The following RALGAPA2 variants were observed in gnomAD, a reference collection of about 807,000 sequenced individuals.
The protein encoded by RALGAPA2 is Ral GTPase activating protein catalytic subunit alpha 2.
Under a neutral mutation model 230.4 loss-of-function variants are expected in RALGAPA2, and 139 were observed. That is an observed-to-expected ratio of 0.60 (90% CI 0.53 to 0.69). The LOEUF is 0.69. Among genes scored for constraint, RALGAPA2 ranks in the 30% least tolerant of loss-of-function variants. RALGAPA2 has a pLI of 0.00. For synonymous variants in RALGAPA2, 847 were observed against 837.8 expected (o/e 1.01, Z -0.19); for missense variants, 2,163 against 2,276.0 (o/e 0.95, Z 1.01).
intron 12 of RALGAPA2, 72 bp downstream of exon 12, chr20:20,619,205 A>G: frequency 7.1e-7 from 1 of 1,398,662 alleles, no homozygotes; most frequent in Non-Finnish European, 9.4e-7. Context: ...CATTATCCCC[A>G]ATAAACAAAA....
At chr20:20,681,470 C>T (rs990548504) in intron 1 of RALGAPA2, among the ~76,000 whole-genome samples, 3 of 152,168 alleles carry the variant, frequency 2.0e-5, no homozygotes, top group Non-Finnish European at 4.4e-5. Flanking sequence ...GAACTTAGCA[C>T]AGTGACAACT....
intron 24 of RALGAPA2, among the ~76,000 whole-genome samples, chr20:20,539,595 C>T (rs1602704766): frequency 6.6e-6 from 1 of 152,086 alleles, no homozygotes; most frequent in East Asian, 1.9e-4. Context: ...AATATATCAC[C>T]TCATATAGTT....
chr20:20,594,283 A>G (rs2065381953), intron 16 of RALGAPA2, among the ~76,000 whole-genome samples: 1 of 152,162 alleles, frequency 6.6e-6, no homozygotes, highest in Admixed American at 6.5e-5. Flanking sequence ...GACAGAAACA[A>G]TTTCTTTATA....
Position 20,698,925 on chromosome 20 carries a change from G to A in RALGAPA2, c.106+13450C>T, listed in dbSNP as rs143490209. Among the ~76,000 whole-genome samples the A allele has an allele frequency of 4.2e-3, 635 of 152,238 alleles. 2 individuals carry two copies. The highest frequency in any genetic ancestry group is 0.01 in the Middle Eastern group (3 of 294). On this transcript the variant is annotated intron_variant, in intron 1 of 39. Coordinates refer to ENST00000202677, the MANE Select transcript of RALGAPA2 (RefSeq NM_020343.4). ...ATCAAAAATGGAGACAGCTTACACA[G>A]TATACTATCATCAGAGAAAAAAGAC... is the stretch of plus-strand genomic sequence containing the variant.
intron 37 of RALGAPA2, among the ~76,000 whole-genome samples, chr20:20,454,931 G>A (rs572209538): frequency 2.6e-5 from 4 of 152,314 alleles, no homozygotes; most frequent in South Asian, 2.1e-4. Context: ...CTGTAGTGAC[G>A]CAGTGATGGT....
intron 39 of RALGAPA2, among the ~76,000 whole-genome samples, chr20:20,393,795 C>T (rs2059647359): frequency 6.6e-6 from 1 of 152,164 alleles, no homozygotes; most frequent in Non-Finnish European, 1.5e-5. Context: ...CTGTTCATCA[C>T]TGGAGGGAAA....
chr20:20,613,670 T>C (rs1442751677), intron 13 of RALGAPA2, among the ~76,000 whole-genome samples: 1 of 152,178 alleles, frequency 6.6e-6, no homozygotes, highest in African/African-American at 2.4e-5. Flanking sequence ...GGCCATCATC[T>C]TGTCCTTCCT....
intron 32 of RALGAPA2, 125 bp from the exon 33 acceptor site, chr20:20,511,450 T>C (rs971381410): frequency 2.1e-5 from 29 of 1,395,002 alleles, no homozygotes; most frequent in Admixed American, 2.9e-5. Flanking sequence ...AAAAGATTTG[T>C]GATAGAAACC....
chr20:20,406,119 G>T (rs1206419831), intron 38 of RALGAPA2, among the ~76,000 whole-genome samples: 1 of 152,154 alleles, frequency 6.6e-6, no homozygotes, highest in Admixed American at 6.5e-5. Context: ...GAGGATTTAG[G>T]GCAGTGGTTC....
intron 20 of RALGAPA2, among the ~76,000 whole-genome samples, chr20:20,574,108 T>G (rs1379910244): frequency 6.6e-6 from 1 of 152,242 alleles, no homozygotes; most frequent in African/African-American, 2.4e-5. Flanking sequence ...TTGCTAGAAC[T>G]TGATACTGTT....
intron 6 of RALGAPA2, 134 bp from the exon 7 acceptor site, chr20:20,640,034 C>T (rs2066980966): frequency 4.6e-6 from 3 of 655,032 alleles, no homozygotes; most frequent in African/African-American, 1.8e-5. Flanking sequence ...GAGCACACTC[C>T]AAGGCAGTGT....
intron 3 of RALGAPA2, among the ~76,000 whole-genome samples, chr20:20,653,925 A>G (rs191516838): frequency 4.6e-5 from 7 of 152,312 alleles, no homozygotes; most frequent in African/African-American, 1.4e-4. Flanking sequence ...CAGATTCCCC[A>G]GGTTTCTTCT....
rs2060651228 is a variant in RALGAPA2, at chr20:20,437,961, G to A, written c.5496-25813C>T. Among the ~76,000 whole-genome samples the A allele has an allele frequency of 1.3e-5, 2 of 152,246 alleles. No homozygotes were observed. The highest frequency in any genetic ancestry group is 2.4e-5 in the African/African-American group (1 of 41,546). ...GGAACAACACTGCAGTGGTTCCAGT[G>A]GATCCTGACTCCGTGGTTCTTATGA... On this transcript the variant is annotated intron_variant, in intron 37 of 39. Coordinates refer to ENST00000202677, the MANE Select transcript of RALGAPA2 (RefSeq NM_020343.4). This position sits in a 1 kb window ranked among gnomAD's most constrained non-coding sequence, Gnocchi z 4.1.
intron 16 of RALGAPA2, among the ~76,000 whole-genome samples, chr20:20,597,803 C>T (rs1044040393): frequency 6.6e-6 from 1 of 152,120 alleles, no homozygotes. Context: ...CATGCCACTG[C>T]ACTCCAGCCT....
chr20:20,626,082 A>G (rs1183812753), intron 10 of RALGAPA2, among the ~76,000 whole-genome samples: 1 of 152,216 alleles, frequency 6.6e-6, no homozygotes, highest in Non-Finnish European at 1.5e-5. Context: ...TGCAGCATAC[A>G]CACACACCTT....
intron 16 of RALGAPA2, among the ~76,000 whole-genome samples, chr20:20,592,826 G>T (rs2065333332): frequency 6.6e-6 from 1 of 152,248 alleles, no homozygotes; most frequent in Middle Eastern, 3.4e-3. Context: ...ACAAAAGGTT[G>T]CTATTTTTTC....
At chr20:20,608,263 G>A (rs184956162) in intron 14 of RALGAPA2, among the ~76,000 whole-genome samples, 2 of 152,238 alleles carry the variant, frequency 1.3e-5, no homozygotes, top group Admixed American at 1.3e-4. Context: ...AACACACTAA[G>A]GGGACTGCGT....
chr20:20,664,053 T>A (rs2067874724), intron 3 of RALGAPA2, among the ~76,000 whole-genome samples: 1 of 152,252 alleles, frequency 6.6e-6, no homozygotes, highest in Admixed American at 6.5e-5. Flanking sequence ...CCAGGCAGAA[T>A]GGAGCAGGAT....
At chr20:20,597,797 C>A (rs1290178741) in intron 16 of RALGAPA2, among the ~76,000 whole-genome samples, 1 of 152,014 alleles carries the variant, frequency 6.6e-6, no homozygotes, top group Non-Finnish European at 1.5e-5. Flanking sequence ...CGAGATCATG[C>A]CACTGCACTC....
Sources: allele counts gnomAD v4.1 joint callset (sites outside exome capture counted in the v4.1 genomes callset), GRCh38; gene constraint gnomAD v4.1.1; non-coding constraint Gnocchi (gnomAD v3.1); transcripts MANE v1.5; gene names NCBI Gene and HGNC (gene_info 2026-07-23, HGNC 2026-07-21).